QRFPR: variants seen among roughly 807,000 people sequenced by gnomAD.
QRFPR encodes the protein pyroglutamylated RF-amide peptide receptor.
In QRFPR, 37 loss-of-function variants were observed where a neutral mutation model predicts 31.3. That is an observed-to-expected ratio of 1.18 (90% confidence interval 0.91 to 1.56). QRFPR has a LOEUF of 1.56. QRFPR is among the 40% of genes most tolerant of loss of function. QRFPR has a pLI of 0.00. For synonymous variants in QRFPR, 197 were observed against 192.0 expected (o/e 1.03, Z -0.22); for missense variants, 542 against 532.5 (o/e 1.02, Z -0.18).
intron 1 of QRFPR, among the ~76,000 whole-genome samples, chr4:121,351,010 T>C (rs779665828): frequency 4.6e-5 from 7 of 152,212 alleles, no homozygotes; most frequent in Non-Finnish European, 7.3e-5. Context: ...ACCTAGGTGA[T>C]GGGTTGATCT....
intron 1 of QRFPR, among the ~76,000 whole-genome samples, chr4:121,378,824 C>T (rs1726409944): frequency 6.6e-6 from 1 of 152,114 alleles, no homozygotes; most frequent in African/African-American, 2.4e-5. Flanking sequence ...AAATAGTAAT[C>T]CAGTTCTTTT....
At chr4:121,338,303 A>T (rs189952280) in intron 2 of QRFPR, among the ~76,000 whole-genome samples, 1 of 152,238 alleles carries the variant, frequency 6.6e-6, no homozygotes, top group East Asian at 1.9e-4. Context: ...TTCATAGCTC[A>T]TTGACTACCT....
intron 1 of QRFPR, among the ~76,000 whole-genome samples, chr4:121,378,574 C>T (rs182891432): frequency 5.3e-5 from 8 of 152,028 alleles, no homozygotes; most frequent in Admixed American, 2.6e-4. Flanking sequence ...CCACGATGCC[C>T]GGCTAATTTT....
Position 121,369,615 on chromosome 4 carries a change from G to A in QRFPR, c.340+10693C>T, listed in dbSNP as rs148119783. The A allele has an allele frequency of 8.5e-4, 1,371 of 1,610,214 alleles. 13 individuals are homozygous for A. In the African/African-American group the frequency reaches 0.016, roughly 19 times the overall value. On this transcript the variant is annotated intron_variant, in intron 1 of 5. Coordinates refer to ENST00000394427, the MANE Select transcript of QRFPR (RefSeq NM_198179.3). ...ATTGGAGAGGGCTTCTGGGCTCCTC[G>A]GTAGGCCTGGGTGGCAAAACTTCCA...
chr4:121,380,936 T>C lies in QRFPR; in HGVS notation c.-289A>G. 4 of 378,900 alleles carry C rather than the reference T, an allele frequency of 1.1e-5. No homozygotes were observed. The highest frequency in any genetic ancestry group is 1.4e-5 in the Non-Finnish European group (3 of 211,774). The allele number at this position is 378,900 out of a possible 1,614,324, so 23.5% of individuals were successfully genotyped here. On this transcript the variant is annotated 5_prime_UTR_variant, in exon 1 of 6. The change abolishes the stop of an existing upstream ORF in the 5' untranslated region. Coordinates refer to ENST00000394427, the MANE Select transcript of QRFPR (RefSeq NM_198179.3). ...ATAAAGTTCTTCCCTTGCTCTTCCCTAAGGCGAGGCGCCGCCACGGTCTGG... is the reference window on the plus strand; with the variant it reads ...ATAAAGTTCTTCCCTTGCTCTTCCCCAAGGCGAGGCGCCGCCACGGTCTGG...
intron 1 of QRFPR, among the ~76,000 whole-genome samples, chr4:121,345,289 T>G (rs1227021320): frequency 2.0e-5 from 3 of 152,190 alleles, no homozygotes; most frequent in Admixed American, 2.0e-4. Flanking sequence ...CACTGCTGAG[T>G]TATGGCTGCT....
Position 121,329,434 on chromosome 4 carries a change from A to G in QRFPR, c.1176T>C (p.Ser392=). ...PVEETKGEAF[S]DGNIEVKLCE... ...ACAATTTGACTTCAATGTTGCCATCACTGAATGCTTCTCCTTTGGTTTCCT... is the reference window on the plus strand; with the variant it reads ...ACAATTTGACTTCAATGTTGCCATCGCTGAATGCTTCTCCTTTGGTTTCCT... The change falls in exon 6 of 6, where the codon AGT becomes AGC. Residue 392 remains serine, a synonymous_variant. Coordinates refer to ENST00000394427, the MANE Select transcript of QRFPR (RefSeq NM_198179.3). 1 of 1,614,158 alleles carries G rather than the reference A, an allele frequency of 6.2e-7. No individual in the cohort carries two copies. The highest frequency in any genetic ancestry group is 8.5e-7 in the Non-Finnish European group (1 of 1,180,012).
At chr4:121,380,272 G>A (rs771359419) in intron 1 of QRFPR, 36 bp downstream of exon 1, 1 of 1,486,924 alleles carries the variant, frequency 6.7e-7, no homozygotes, top group Non-Finnish European at 9.2e-7. Flanking sequence ...AGAGGGTTAA[G>A]AGAGAAGGAG....
intron 1 of QRFPR, among the ~76,000 whole-genome samples, chr4:121,368,360 C>T (rs1287212611): frequency 1.3e-5 from 2 of 150,180 alleles, no homozygotes; most frequent in African/African-American, 4.9e-5. Context: ...TTTACCTATA[C>T]CAAGTCAGTA....
chr4:121,348,521 A>C (rs1456475690), intron 1 of QRFPR, among the ~76,000 whole-genome samples: 1 of 152,018 alleles, frequency 6.6e-6, no homozygotes, highest in African/African-American at 2.4e-5. Flanking sequence ...GTCATCATTA[A>C]ATTCATTTTC....
chr4:121,329,546 G>A lies in QRFPR; in HGVS notation c.1064C>T (p.Thr355Ile). 7.4e-6 allele frequency: 12 copies of A among 1,613,674 alleles called. No homozygotes were observed. The highest frequency in any genetic ancestry group is 1.0e-5 in the Non-Finnish European group (12 of 1,179,838). Residue 355 changes from threonine (T) to isoleucine (I), a missense_variant, in exon 6 of 6, where the codon ACC becomes ATC. By Grantham distance (89) the Thr-to-Ile change is moderately conservative. Transcript: ENST00000394427. ...SAVCYCIVNK[T>I]FSPAQRHGNS... The stretch of plus-strand genomic sequence containing the variant: ...TCCATGCCTTTGTGCTGGAGAGAAG[G>A]TTTTATTTACTATGCAATAACAAAC...
chr4:121,338,382 A>G (rs1238252011), intron 2 of QRFPR, among the ~76,000 whole-genome samples: 1 of 152,200 alleles, frequency 6.6e-6, no homozygotes, highest in Non-Finnish European at 1.5e-5. Flanking sequence ...CACAGTGACC[A>G]CATCTGGGCA....
chr4:121,344,619 T>C (rs1444184256), intron 1 of QRFPR, among the ~76,000 whole-genome samples: 2 of 152,300 alleles, frequency 1.3e-5, no homozygotes, highest in East Asian at 3.9e-4. Flanking sequence ...TACTTACTTA[T>C]CGTGGATATT....
At chr4:121,353,088 G>A (rs1725795426) in intron 1 of QRFPR, among the ~76,000 whole-genome samples, 2 of 152,012 alleles carry the variant, frequency 1.3e-5, no homozygotes, top group Admixed American at 1.3e-4. Context: ...TTGTGTGCAT[G>A]TACCACATAT....
In QRFPR at chr4:121,380,386, C is replaced by T. The variant is rs1211975206; in HGVS notation, c.262G>A (p.Ala88Thr). The change falls in exon 1 of 6, where the codon GCG (alanine) becomes ACG (threonine). Residue 88 changes from alanine to threonine, a missense_variant. Transcript: ENST00000394427. ...TVTNIFICSL[A>T]LSDLLITFFC... ...AAGGTGATGAGCAGGTCACTGAGCGCCAAGGAGCAGATAAAGATGTTGGTG... is the reference window on the plus strand; with the variant it reads ...AAGGTGATGAGCAGGTCACTGAGCGTCAAGGAGCAGATAAAGATGTTGGTG... 3.1e-6 allele frequency: 5 copies of T among 1,614,068 alleles called. No homozygotes were observed. The African/African-American group carries it at 4.0e-5, about 13-fold the overall frequency.
chr4:121,359,865 G>A (rs1725954346), intron 1 of QRFPR, among the ~76,000 whole-genome samples: 1 of 151,614 alleles, frequency 6.6e-6, no homozygotes, highest in Non-Finnish European at 1.5e-5. Flanking sequence ...AGGGAACCCT[G>A]ACTAATACGG....
intron 1 of QRFPR, among the ~76,000 whole-genome samples, chr4:121,361,694 A>T (rs1560742022): frequency 2.0e-5 from 3 of 150,210 alleles, no homozygotes; most frequent in Admixed American, 1.3e-4. Context: ...ACCAGGCTTT[A>T]AACAGCACGA....
chr4:121,377,588 G>T (rs1726381114), intron 1 of QRFPR, among the ~76,000 whole-genome samples: 1 of 151,980 alleles, frequency 6.6e-6, no homozygotes, highest in Non-Finnish European at 1.5e-5. Flanking sequence ...TCCATCCTCT[G>T]CTGGAAAGAG....
At chr4:121,358,534 T>G (rs1201244374) in intron 1 of QRFPR, among the ~76,000 whole-genome samples, 1 of 152,220 alleles carries the variant, frequency 6.6e-6, no homozygotes, top group African/African-American at 2.4e-5. Context: ...AATTTTTGTT[T>G]TGTTTTCTCT....
Sources: gnomAD v4.1 joint callset for allele counts (sites outside exome capture counted in the v4.1 genomes callset) on GRCh38, gnomAD v4.1.1 for gene constraint, MANE v1.5 for transcripts, NCBI Gene and HGNC (gene_info 2026-07-23, HGNC 2026-07-21) for gene names.